Variants in PITPNM3 observed in about 807,000 individuals in gnomAD.
The protein encoded by PITPNM3 is PITPNM family member 3, also known as membrane-associated phosphatidylinositol transfer protein 3.
Under a neutral mutation model 102.0 loss-of-function variants are expected in PITPNM3, and 26 were observed. The observed-to-expected ratio is 0.25, with a 90% CI of 0.19 to 0.35. The LOEUF (loss-of-function observed/expected upper bound fraction) is 0.35. Ranked by LOEUF, PITPNM3 falls within the 10% of genes least tolerant of loss-of-function variation. PITPNM3 has a pLI of 1.00. For missense variants in PITPNM3, 1,083 were observed against 1,346.1 expected, an observed-to-expected ratio of 0.80 and a Z score of 3.06; for synonymous variants, 578 against 558.6, an observed-to-expected ratio of 1.03 and a Z score of -0.49.
In PITPNM3 at chr17:6,469,476, G is replaced by A. The variant is rs1370258713; in HGVS notation, c.1773+784C>T. Among the ~76,000 whole-genome samples, 2 of 148,198 alleles carry A rather than the reference G, an allele frequency of 1.3e-5. No homozygotes were observed. The highest frequency in any genetic ancestry group is 1.4e-4 in the Admixed American group (2 of 14,748). ...GCCCCCTGCCCAGCCCTGCTCTTCC[G>A]CACGTGCAGGACACAGAACCACCTT... On this transcript the variant is annotated intron_variant, in intron 13 of 19. Transcript: ENST00000262483. This position sits in a 1 kb window ranked among gnomAD's most constrained non-coding sequence, Gnocchi z 4.0.
chr17:6,464,962 A>G (rs546325542), intron 14 of PITPNM3, among the ~76,000 whole-genome samples, 191 bp from the exon 15 acceptor site: 26 of 152,220 alleles, frequency 1.7e-4, no homozygotes, highest in Admixed American at 7.2e-4. Context: ...GAGTCCCCCA[A>G]ACGCTGTCTT....
intron 4 of PITPNM3, among the ~76,000 whole-genome samples, chr17:6,494,045 G>C (rs1906652087): frequency 6.6e-6 from 1 of 152,174 alleles, no homozygotes; most frequent in African/African-American, 2.4e-5. Context: ...AACAAACACA[G>C]CCCTAAGACT....
chr17:6,483,391 G>A (rs546070731), intron 6 of PITPNM3, 126 bp downstream of exon 6: 14 of 933,784 alleles, frequency 1.5e-5, no homozygotes, highest in African/African-American at 8.2e-5. Flanking sequence ...GTTTCGTCAC[G>A]ATCTGACACC....
chr17:6,477,644 C>T (rs1905391329), intron 8 of PITPNM3, among the ~76,000 whole-genome samples: 1 of 152,174 alleles, frequency 6.6e-6, no homozygotes, highest in Admixed American at 6.5e-5. Context: ...CTCCTGGGTT[C>T]AAGTGATTCT....
At chr17:6,473,483 C>T (rs1905156621) in intron 10 of PITPNM3, among the ~76,000 whole-genome samples, 1 of 152,178 alleles carries the variant, frequency 6.6e-6, no homozygotes, top group African/African-American at 2.4e-5. Context: ...TTCTACCACC[C>T]ACTTTATCTG....
At chr17:6,538,919 C>A (rs954112447) in intron 1 of PITPNM3, among the ~76,000 whole-genome samples, 3 of 152,158 alleles carry the variant, frequency 2.0e-5, no homozygotes, top group African/African-American at 7.2e-5. Context: ...TTCACCACAC[C>A]CCCTACCCTG....
In PITPNM3 at chr17:6,503,530, G is replaced by C; in HGVS notation, c.271C>G (p.Gln91Glu). The C allele has an allele frequency of 6.2e-7, 1 of 1,612,762 alleles. No individual in the cohort carries two copies. Among genetic ancestry groups the C allele is most frequent in the Non-Finnish European group, 8.5e-7 (1 of 1,180,010 alleles). ...PCTSSILQEK[Q>E]RELYRVSLRR... ...CACAGGGTCAGGCTTGACTCACGCT[G>C]CTTCTCCTGGAGGATGCTGGATGTG... is the stretch of plus-strand genomic sequence containing the variant. The change falls in exon 4 of 20, where the codon CAG (glutamine) becomes GAG (glutamate). Residue 91 changes from glutamine to glutamate, a missense_variant. Physicochemically the swap from Gln to Glu is conservative, Grantham distance 29 (BLOSUM62 2). Transcript: ENST00000262483.
intron 11 of PITPNM3, 103 bp from the exon 12 acceptor site, chr17:6,471,458 G>T: frequency 8.5e-7 from 1 of 1,177,952 alleles, no homozygotes; most frequent in Non-Finnish European, 1.2e-6. Flanking sequence ...ACTTGGAGGA[G>T]TCAGCCCCGG....
chr17:6,517,215 T>TGA lies in PITPNM3; in HGVS notation c.226+8139_226+8140dup, dbSNP rs1224648554. On this transcript the variant is annotated intron_variant, in intron 3 of 19. Coordinates refer to ENST00000262483, the MANE Select transcript of PITPNM3 (RefSeq NM_031220.4). The surrounding 1 kb of genome is among the most constrained non-coding windows in gnomAD (Gnocchi z 4.1). ...AGTCAGGAAATTGAGGAAGTAGCAG[T>TGA]GAGACCTATATGCTACAAAGGGCAA... is the stretch of plus-strand genomic sequence containing the variant. 1.3e-5 allele frequency among the ~76,000 whole-genome samples: 2 copies of TGA among 152,222 alleles called. No individual in the cohort carries two copies. The highest frequency in any genetic ancestry group is 1.3e-4 in the Admixed American group (2 of 15,284).
At chr17:6,503,473 G>C in intron 4 of PITPNM3, 54 bp downstream of exon 4, 2 of 1,579,420 alleles carry the variant, frequency 1.3e-6, no homozygotes, top group Non-Finnish European at 1.7e-6. Context: ...GGCTCAATGA[G>C]CTTGCACCCA....
chr17:6,502,687 G>C (rs537276756), intron 4 of PITPNM3, among the ~76,000 whole-genome samples: 1 of 152,270 alleles, frequency 6.6e-6, no homozygotes, highest in East Asian at 1.9e-4. Context: ...GGAGAGAGAA[G>C]TCAGGAAAGT....
chr17:6,529,230 C>T (rs1909006814), intron 2 of PITPNM3, among the ~76,000 whole-genome samples: 1 of 152,088 alleles, frequency 6.6e-6, no homozygotes, highest in South Asian at 2.1e-4. Flanking sequence ...ACCTACAATG[C>T]CATAAGGAAA....
At chr17:6,530,419 C>A (rs1460626294) in intron 2 of PITPNM3, among the ~76,000 whole-genome samples, 1 of 152,218 alleles carries the variant, frequency 6.6e-6, no homozygotes, top group Admixed American at 6.5e-5. Context: ...GAGTTAGAGG[C>A]ACAAGCAGAT....
intron 8 of PITPNM3, 25 bp from the exon 9 acceptor site, chr17:6,477,238 A>C (rs757457985): frequency 6.2e-7 from 1 of 1,610,628 alleles, no homozygotes; most frequent in Admixed American, 1.7e-5. Flanking sequence ...AGGGGACAGG[A>C]GAGAAAAAGA....
At chr17:6,533,649 C>T (rs1339618456) in intron 2 of PITPNM3, among the ~76,000 whole-genome samples, 1 of 151,808 alleles carries the variant, frequency 6.6e-6, no homozygotes, top group Non-Finnish European at 1.5e-5. Context: ...TAGAGACGGG[C>T]TTTCACCATG....
chr17:6,520,562 C>T (rs1034695696), intron 3 of PITPNM3, among the ~76,000 whole-genome samples: 2 of 152,152 alleles, frequency 1.3e-5, no homozygotes, highest in African/African-American at 4.8e-5. Context: ...TAGAGAGATA[C>T]GTTGATCAAC....
intron 2 of PITPNM3, among the ~76,000 whole-genome samples, chr17:6,532,086 A>T (rs1909176979): frequency 6.6e-6 from 1 of 151,870 alleles, no homozygotes; most frequent in Admixed American, 6.6e-5. Flanking sequence ...AGCCTGGGTG[A>T]CAAGAGTGAA....
At chr17:6,515,397 CAA>C (rs61420968) in intron 3 of PITPNM3, among the ~76,000 whole-genome samples, 3,604 of 82,122 alleles carry the variant, frequency 0.044, 100 homozygotes, top group African/African-American at 0.15. Context: ...GACTCCATCT[CAA>C]AAAAAAAAAA....
Position 6,525,467 on chromosome 17 carries a change from T to A in PITPNM3, c.119-4A>T. 1 of 1,612,298 alleles carries A rather than the reference T, an allele frequency of 6.2e-7. No individual in the cohort carries two copies. The highest frequency in any genetic ancestry group is 1.1e-5 in the South Asian group (1 of 91,052). On this transcript the variant is annotated splice_polypyrimidine_tract_variant and splice_region_variant and intron_variant, in intron 2 of 19. Transcript: ENST00000262483. Reference sequence around the variant, plus strand: ...TTCTTCCCTTCAGCCATCTCCTCTGTGGGAAGAAGCAGCGGTGAGCAGAAG... The same window carrying A: ...TTCTTCCCTTCAGCCATCTCCTCTGAGGGAAGAAGCAGCGGTGAGCAGAAG...
Sources: allele counts gnomAD v4.1 joint callset (sites outside exome capture counted in the v4.1 genomes callset), GRCh38; gene constraint gnomAD v4.1.1; non-coding constraint Gnocchi (gnomAD v3.1); transcripts MANE v1.5; gene names NCBI Gene and HGNC (gene_info 2026-07-23, HGNC 2026-07-21).